The following ATP10A variants were observed in gnomAD, a reference collection of about 807,000 sequenced individuals.
ATP10A encodes phospholipid-transporting ATPase VA.
Under a neutral mutation model 147.8 loss-of-function variants are expected in ATP10A, and 111 were observed. That is an observed-to-expected ratio of 0.75 (90% CI 0.64 to 0.88). The LOEUF (loss-of-function observed/expected upper bound fraction) is 0.88. ATP10A is among the 40% of genes least tolerant of loss of function. The probability of loss-of-function intolerance (pLI) is 0.00; values close to 1 mark genes in which losing one functional copy is unlikely to be tolerated. For synonymous variants in ATP10A, 875 were observed against 841.6 expected (o/e 1.04, Z -0.69); for missense variants, 1,927 against 1,959.0 (o/e 0.98, Z 0.31).
At chr15:25,776,840 C>T (rs1016961070) in intron 2 of ATP10A, among the ~76,000 whole-genome samples, 4 of 152,148 alleles carry the variant, frequency 2.6e-5, no homozygotes, top group Non-Finnish European at 1.5e-5. Flanking sequence ...CACCATCTGA[C>T]GGACGTCATT....
chr15:25,708,473 T>TACGCAA (rs1555457762), intron 10 of ATP10A, 173 bp from the exon 11 acceptor site: 10 of 600,092 alleles, frequency 1.7e-5, no homozygotes, highest in African/African-American at 1.1e-4. Flanking sequence ...GTCTCATCAA[T>TACGCAA]ATGTTTGACT....
intron 2 of ATP10A, among the ~76,000 whole-genome samples, chr15:25,768,565 A>G (rs1313913616): frequency 4.1e-5 from 6 of 146,902 alleles, no homozygotes; most frequent in Non-Finnish European, 1.5e-5. Context: ...TTCTTTTGAG[A>G]CAGGGTATCA....
chr15:25,779,847 C>A (rs1889813793), intron 2 of ATP10A, among the ~76,000 whole-genome samples: 1 of 34,008 alleles, frequency 2.9e-5, no homozygotes, highest in African/African-American at 7.5e-5. Flanking sequence ...AAGGTTAAAA[C>A]ACACACACAC....
intron 1 of ATP10A, among the ~76,000 whole-genome samples, chr15:25,789,744 G>A (rs888140666): frequency 6.6e-6 from 1 of 152,078 alleles, no homozygotes. Context: ...AGGTTTCTCC[G>A]CCATCAGCGC....
intron 2 of ATP10A, among the ~76,000 whole-genome samples, chr15:25,766,841 A>G (rs1462773053): frequency 1.3e-5 from 2 of 151,624 alleles, no homozygotes; most frequent in Admixed American, 1.3e-4. Context: ...CAGTCCCAAA[A>G]AACTCCCGAA....
chr15:25,701,820 C>A (rs1184633297), intron 13 of ATP10A, 96 bp downstream of exon 13: 1 of 1,250,678 alleles, frequency 8.0e-7, no homozygotes, highest in Non-Finnish European at 1.1e-6. Flanking sequence ...GTCCTTCTAA[C>A]AGCAGCTGCC....
chr15:25,861,403 T>C (rs1893753850), intron 1 of ATP10A, among the ~76,000 whole-genome samples: 1 of 152,186 alleles, frequency 6.6e-6, no homozygotes, highest in Non-Finnish European at 1.5e-5. Context: ...TGGGCAGGTT[T>C]ACTTAACCTC....
chr15:25,762,447 G>T (rs79100803), intron 2 of ATP10A, among the ~76,000 whole-genome samples: 1 of 151,958 alleles, frequency 6.6e-6, no homozygotes, highest in African/African-American at 2.4e-5. Flanking sequence ...CGGCAAATTC[G>T]AAAGAAAAAT....
At chr15:25,859,973 C>T (rs1158625248) in intron 1 of ATP10A, among the ~76,000 whole-genome samples, 1 of 152,126 alleles carries the variant, frequency 6.6e-6, no homozygotes, top group Non-Finnish European at 1.5e-5. Flanking sequence ...GCAGCTAGAG[C>T]AGCAACACTT....
At chr15:25,736,541 T>A (rs1308529197) in intron 2 of ATP10A, among the ~76,000 whole-genome samples, 2 of 152,216 alleles carry the variant, frequency 1.3e-5, no homozygotes, top group Non-Finnish European at 2.9e-5. Flanking sequence ...CAGGAGCTTA[T>A]AATAAATTCT....
At chr15:25,848,176 A>T (rs1893113190) in intron 1 of ATP10A, among the ~76,000 whole-genome samples, 1 of 152,224 alleles carries the variant, frequency 6.6e-6, no homozygotes, top group Non-Finnish European at 1.5e-5. Context: ...ACAAACAAAA[A>T]AATAAACATG....
chr15:25,714,963 TATACACAC>T (rs1346872637), intron 9 of ATP10A, among the ~76,000 whole-genome samples: 51 of 123,984 alleles, frequency 4.1e-4, no homozygotes, highest in South Asian at 1.9e-3. Context: ...GAATGACACA[TATACACAC>T]ACACACACAC....
At chr15:25,813,307 G>A (rs868247614) in intron 1 of ATP10A, among the ~76,000 whole-genome samples, 4 of 152,186 alleles carry the variant, frequency 2.6e-5, no homozygotes, top group Non-Finnish European at 5.9e-5. Flanking sequence ...TTATCTCAGC[G>A]CTAGGGGAAA....
At chr15:25,682,979 T>C (rs933759738) in intron 17 of ATP10A, among the ~76,000 whole-genome samples, 3 of 152,148 alleles carry the variant, frequency 2.0e-5, no homozygotes, top group Admixed American at 2.0e-4. Flanking sequence ...ATAAGTCACA[T>C]TTTCTTCCTT....
chr15:25,750,063 GA>G (rs1176356388), intron 2 of ATP10A, among the ~76,000 whole-genome samples: 3 of 151,960 alleles, frequency 2.0e-5, no homozygotes, highest in Non-Finnish European at 2.9e-5. Flanking sequence ...AATAATAACT[GA>G]AAAGTTTCCA....
rs73362989 is a variant in ATP10A at position 25,727,397 on chromosome 15, G to T, written c.741-131C>A. 2.2e-3 allele frequency: 1,737 copies of T among 803,180 alleles called. 17 individuals carry two copies. The African/African-American group carries it at 0.028, about 13-fold the overall frequency. 49.8% of individuals were successfully genotyped at this position (803,180 alleles called of 1,614,324 possible). A position where few individuals can be genotyped will look rare whatever the true frequency, so the allele number is the denominator to read the frequency against. On this transcript the variant is annotated intron_variant, in intron 3 of 20. Transcript: ENST00000555815. ...GGCCGCTGGGATCTGGACTGGGAAG[G>T]GTACAGGGGGCCCCCGAGAGTGGGT...
At chr15:25,680,025 C>T (rs1386156198) in intron 20 of ATP10A, 51 bp from the exon 21 acceptor site, 1 of 1,581,014 alleles carries the variant, frequency 6.3e-7, no homozygotes, top group Non-Finnish European at 8.6e-7. Context: ...TCGGTGGTGT[C>T]TTTGAGCTTC....
chr15:25,795,474 G>A (rs1465913761), intron 1 of ATP10A, among the ~76,000 whole-genome samples: 1 of 152,148 alleles, frequency 6.6e-6, no homozygotes, highest in Non-Finnish European at 1.5e-5. Context: ...TTGTAAATAG[G>A]AACAAGAACT....
At chr15:25,827,655 A>G (rs1211987660) in intron 1 of ATP10A, among the ~76,000 whole-genome samples, 1 of 152,252 alleles carries the variant, frequency 6.6e-6, no homozygotes, top group African/African-American at 2.4e-5. Context: ...AAGTGATAAA[A>G]TAAATGACAA....
Sources: allele counts gnomAD v4.1 joint callset (sites outside exome capture counted in the v4.1 genomes callset), GRCh38; gene constraint gnomAD v4.1.1; transcripts MANE v1.5; gene names NCBI Gene and HGNC (gene_info 2026-07-23, HGNC 2026-07-21).